Variants in ARHGAP15 observed in about 807,000 individuals in gnomAD.
ARHGAP15 encodes Rho GTPase activating protein 15.
In ARHGAP15, 51 loss-of-function variants were observed where a neutral mutation model predicts 63.7. The observed-to-expected ratio is 0.80, with a 90% CI of 0.64 to 1.01. The LOEUF is 1.01. Among genes scored for constraint, ARHGAP15 ranks in the 50% least tolerant of loss-of-function variants. The probability of loss-of-function intolerance (pLI) is 0.00; values close to 1 mark genes in which losing one functional copy is unlikely to be tolerated. For synonymous variants in ARHGAP15, 191 were observed against 193.8 expected, an observed-to-expected ratio of 0.99 and a Z score of 0.12; for missense variants, 560 against 564.6, an observed-to-expected ratio of 0.99 and a Z score of 0.08.
intron 6 of ARHGAP15, among the ~76,000 whole-genome samples, chr2:143,321,857 T>A (rs1011962518): frequency 6.6e-6 from 1 of 152,170 alleles, no homozygotes; most frequent in African/African-American, 2.4e-5. Flanking sequence ...CCCTGCTACA[T>A]TTTTGTGGAG....
At chr2:143,487,536 G>A (rs753682155) in intron 9 of ARHGAP15, 41 bp downstream of exon 9, 1 of 1,588,000 alleles carries the variant, frequency 6.3e-7, no homozygotes, top group Non-Finnish European at 8.6e-7. Flanking sequence ...TGTGATAAAT[G>A]AATGTGCCTC....
At chr2:143,511,926 G>A (rs1042539630) in intron 9 of ARHGAP15, among the ~76,000 whole-genome samples, 3 of 152,276 alleles carry the variant, frequency 2.0e-5, no homozygotes, top group African/African-American at 2.4e-5. Context: ...GCCATGTGAT[G>A]TGCATTATCA....
intron 2 of ARHGAP15, among the ~76,000 whole-genome samples, chr2:143,191,830 T>A (rs1382831532): frequency 2.0e-5 from 3 of 152,238 alleles, no homozygotes; most frequent in Non-Finnish European, 4.4e-5. Flanking sequence ...TCTTTTAGAA[T>A]ACATCTAAGT....
rs1460809126 is a variant in ARHGAP15, at chr2:143,673,768, A to G, written c.1139-29651A>G. 3.4e-3 allele frequency among the ~76,000 whole-genome samples: 338 copies of G among 98,270 alleles called. 9 individuals carry two copies. Among genetic ancestry groups the G allele is most frequent in the East Asian group, 0.031 (77 of 2,494 alleles). 64.5% of individuals were successfully genotyped at this position (98,270 alleles called of 152,430 possible). A position where few individuals can be genotyped will look rare whatever the true frequency, so the allele number is the denominator to read the frequency against. On this transcript the variant is annotated intron_variant, in intron 12 of 13. Coordinates refer to ENST00000295095, the MANE Select transcript of ARHGAP15 (RefSeq NM_018460.4). ...TGTGTGTGTGTGTGTGTATATATAT[A>G]TATATATATATATATAAACAACTCC...
chr2:143,298,925 A>G (rs1414030129), intron 6 of ARHGAP15, among the ~76,000 whole-genome samples: 1 of 151,974 alleles, frequency 6.6e-6, no homozygotes, highest in East Asian at 1.9e-4. Flanking sequence ...AAGGTCAGAG[A>G]AAAGTGACTT....
intron 12 of ARHGAP15, among the ~76,000 whole-genome samples, chr2:143,663,648 A>C (rs1681965789): frequency 6.6e-6 from 1 of 152,162 alleles, no homozygotes; most frequent in Admixed American, 6.5e-5. Flanking sequence ...AAGACCCATC[A>C]GTGTGCTGTA....
At chr2:143,584,661 T>C (rs1450565775) in intron 11 of ARHGAP15, among the ~76,000 whole-genome samples, 1 of 152,052 alleles carries the variant, frequency 6.6e-6, no homozygotes, top group Non-Finnish European at 1.5e-5. Flanking sequence ...TATAGAAATA[T>C]AATACATATC....
chr2:143,551,604 A>G (rs978842834), intron 10 of ARHGAP15, among the ~76,000 whole-genome samples: 1 of 152,132 alleles, frequency 6.6e-6, no homozygotes, highest in African/African-American at 2.4e-5. Flanking sequence ...AAAACTATAT[A>G]TTTTTAGAAT....
At chr2:143,134,196 CCTAT>C (rs566644316) in intron 1 of ARHGAP15, among the ~76,000 whole-genome samples, 7,976 of 149,454 alleles carry the variant, frequency 0.053, 238 homozygotes, top group Non-Finnish European at 0.066. Flanking sequence ...TATCTATCTA[CCTAT>C]CTATCTATCA....
chr2:143,176,294 T>C (rs1429672604), intron 2 of ARHGAP15, among the ~76,000 whole-genome samples: 2 of 152,138 alleles, frequency 1.3e-5, no homozygotes, highest in Non-Finnish European at 2.9e-5. Flanking sequence ...TTTTACTCAG[T>C]TTTAGTTGCA....
chr2:143,631,635 T>C (rs926746767), intron 12 of ARHGAP15, among the ~76,000 whole-genome samples: 4 of 152,082 alleles, frequency 2.6e-5, no homozygotes, highest in Admixed American at 2.6e-4. Flanking sequence ...AGAAACCTAC[T>C]TTTTCAAAAA....
intron 6 of ARHGAP15, among the ~76,000 whole-genome samples, chr2:143,425,396 T>C (rs1296283579): frequency 1.3e-5 from 2 of 151,956 alleles, no homozygotes; most frequent in African/African-American, 4.8e-5. Flanking sequence ...TTACATATTA[T>C]ATATAACTTT....
intron 4 of ARHGAP15, among the ~76,000 whole-genome samples, chr2:143,223,559 G>T (rs570015077): frequency 4.6e-5 from 7 of 152,330 alleles, no homozygotes; most frequent in African/African-American, 1.7e-4. Flanking sequence ...GTCAGTGGGT[G>T]AATTTGCCTG....
At chr2:143,758,150 T>C (rs1171951459) in intron 13 of ARHGAP15, among the ~76,000 whole-genome samples, 1 of 152,036 alleles carries the variant, frequency 6.6e-6, no homozygotes, top group Non-Finnish European at 1.5e-5. Context: ...GAGGTATTTT[T>C]ATATGTACTG....
chr2:143,618,358 T>G (rs777262135), intron 11 of ARHGAP15, among the ~76,000 whole-genome samples: 2 of 152,216 alleles, frequency 1.3e-5, no homozygotes, highest in Non-Finnish European at 2.9e-5. Context: ...CTGGCATCTC[T>G]TCCATTTGGG....
At chr2:143,716,546 C>T (rs1465691268) in intron 13 of ARHGAP15, among the ~76,000 whole-genome samples, 2 of 152,116 alleles carry the variant, frequency 1.3e-5, no homozygotes, top group Non-Finnish European at 2.9e-5. Flanking sequence ...AATTATTTAG[C>T]ATCAGCTGAA....
Position 143,624,172 on chromosome 2 carries a change from T to C in ARHGAP15, c.1043T>C (p.Ile348Thr). ...LNLDDSQWED[I>T]HVVTGALKMF... ...TTGGACGACAGCCAGTGGGAGGACA[T>C]CCACGTTGTCACCGGAGCACTGAAG... Residue 348 changes from isoleucine to threonine, a missense_variant, in exon 12 of 14, where the codon ATC (isoleucine) becomes ACC (threonine). Transcript: ENST00000295095. 2 of 1,613,666 alleles carry C rather than the reference T, an allele frequency of 1.2e-6. No individual in the cohort carries two copies. Among genetic ancestry groups the C allele is most frequent in the African/African-American group, 2.7e-5 (2 of 74,996 alleles).
chr2:143,353,588 G>A (rs957373821), intron 6 of ARHGAP15, among the ~76,000 whole-genome samples: 4 of 151,930 alleles, frequency 2.6e-5, no homozygotes, highest in Admixed American at 2.0e-4. Flanking sequence ...ACCTGTGTCC[G>A]AATTACATGA....
intron 6 of ARHGAP15, among the ~76,000 whole-genome samples, chr2:143,375,128 G>T (rs966652022): frequency 6.6e-6 from 1 of 152,078 alleles, no homozygotes; most frequent in Non-Finnish European, 1.5e-5. Flanking sequence ...GACAAAATAG[G>T]TACTGATATA....
Sources: gnomAD v4.1 joint callset for allele counts (sites outside exome capture counted in the v4.1 genomes callset) on GRCh38, gnomAD v4.1.1 for gene constraint, MANE v1.5 for transcripts, NCBI Gene and HGNC (gene_info 2026-07-23, HGNC 2026-07-21) for gene names.